TIAM1: variants seen among roughly 807,000 people sequenced by gnomAD.
The protein encoded by TIAM1 is TIAM Rac1 associated GEF 1.
In TIAM1, 65 loss-of-function variants were observed where a neutral mutation model predicts 163.5. The ratio of observed to expected loss-of-function variants is 0.40; its 90% CI spans 0.33 to 0.49. The LOEUF (loss-of-function observed/expected upper bound fraction) is 0.49, where lower values mean the gene tolerates loss of function less well. Among genes scored for constraint, TIAM1 ranks in the 20% least tolerant of loss-of-function variants. The pLI, the probability that TIAM1 is intolerant of heterozygous loss-of-function variation, is 0.77. For synonymous variants in TIAM1, 833 were observed against 810.1 expected (o/e 1.03, Z -0.48); for missense variants, 1,789 against 2,044.7 (o/e 0.87, Z 2.41).
intron 2 of TIAM1, among the ~76,000 whole-genome samples, chr21:31,412,186 G>C (rs972653048): frequency 6.6e-6 from 1 of 152,222 alleles, no homozygotes. Context: ...AGAAAGACAA[G>C]TATTGCAAGT....
chr21:31,499,550 A>T (rs1317192452), intron 1 of TIAM1, among the ~76,000 whole-genome samples: 1 of 146,460 alleles, frequency 6.8e-6, no homozygotes, highest in African/African-American at 2.6e-5. Context: ...CTGAAAAAAA[A>T]TTAAGACTAA....
rs1489832010 is a variant in TIAM1 at position 31,187,075 on chromosome 21, G to T, written c.2588C>A (p.Ser863Tyr). Residue 863 changes from serine (S) to tyrosine (Y), a missense_variant, in exon 14 of 28, where the codon TCT becomes TAT. Ser to Tyr is a moderately radical substitution (Grantham distance 144, BLOSUM62 -2). Around this residue, in one of 5 missense-constraint regions of TIAM1, gnomAD observed 456 missense variants for 586.6 expected, o/e 0.78. Coordinates refer to ENST00000541036, the MANE Select transcript of TIAM1 (RefSeq NM_001353694.2). ...TAADTYGFSLSSVEEDGIRRL... is the reference protein window; with the variant it reads ...TAADTYGFSLYSVEEDGIRRL... ...TCGAATACCATCTTCTTCCACAGAAGAAAGTGAAAACCCTGTGAAACACAA... is the reference window on the plus strand; with the variant it reads ...TCGAATACCATCTTCTTCCACAGAATAAAGTGAAAACCCTGTGAAACACAA... 6 of 1,613,964 alleles carry T rather than the reference G, an allele frequency of 3.7e-6. No homozygotes were observed. Among genetic ancestry groups the T allele is most frequent in the Non-Finnish European group, 4.2e-6 (5 of 1,179,988 alleles).
intron 1 of TIAM1, among the ~76,000 whole-genome samples, chr21:31,521,745 AAC>A (rs35006738): frequency 0.22 from 32,455 of 146,804 alleles, 4,261 homozygotes; most frequent in African/African-American, 0.38. Flanking sequence ...CTCACACACA[AAC>A]ACACACACAC....
chr21:31,493,940 AG>A (rs2046559041), intron 1 of TIAM1, among the ~76,000 whole-genome samples: 1 of 79,100 alleles, frequency 1.3e-5, no homozygotes, highest in Admixed American at 1.1e-4. Context: ...AAAAAGACAG[AG>A]TGTCACTCTG....
At chr21:31,219,126 C>T (rs2087402465) in intron 8 of TIAM1, among the ~76,000 whole-genome samples, 1 of 149,344 alleles carries the variant, frequency 6.7e-6, no homozygotes, top group Admixed American at 6.7e-5. Flanking sequence ...AAGGGAACAC[C>T]CTAAATGTAA....
intron 15 of TIAM1, among the ~76,000 whole-genome samples, chr21:31,173,368 C>CTTTAT: frequency 6.6e-6 from 1 of 152,122 alleles, no homozygotes; most frequent in Non-Finnish European, 1.5e-5. Context: ...AGATATTTAG[C>CTTTAT]TGGAACTCAA....
intron 2 of TIAM1, among the ~76,000 whole-genome samples, chr21:31,354,565 T>C (rs1358737894): frequency 6.6e-6 from 1 of 152,098 alleles, no homozygotes; most frequent in Admixed American, 6.5e-5. Flanking sequence ...AATACCTCCC[T>C]GAAGTACTAA....
At chr21:31,164,315 G>A (rs144080790) in intron 16 of TIAM1, among the ~76,000 whole-genome samples, 5,208 of 151,690 alleles carry the variant, frequency 0.034, 327 homozygotes, top group African/African-American at 0.12. Flanking sequence ...GCGTGAACCC[G>A]GGAGGCGGAG....
intron 15 of TIAM1, among the ~76,000 whole-genome samples, chr21:31,182,202 G>A (rs1282249547): frequency 1.3e-5 from 2 of 152,150 alleles, no homozygotes; most frequent in African/African-American, 4.8e-5. Flanking sequence ...GGTGACAGGT[G>A]GATCTGTAGC....
At chr21:31,242,112 A>G (rs774934145) in intron 6 of TIAM1, among the ~76,000 whole-genome samples, 6 of 152,258 alleles carry the variant, frequency 3.9e-5, no homozygotes, top group Non-Finnish European at 7.3e-5. Flanking sequence ...AAAGATTTCA[A>G]GCAACTATTT....
Position 31,154,394 on chromosome 21 carries a change from A to G in TIAM1, c.3024T>C (p.Ser1008=). Residue 1008 remains serine, a synonymous_variant, in exon 17 of 28, where the codon AGT becomes AGC. Coordinates refer to ENST00000541036, the MANE Select transcript of TIAM1 (RefSeq NM_001353694.2). The stretch of plus-strand genomic sequence containing the variant: ...GGTCAGAGGGGTTCATCTCATGCAA[A>G]CTGCGGCAAAATGCGGCCACCTGTT... The part of the protein sequence containing the change: ...STEQVAAFCR[S]LHEMNPSDQS... The G allele has an allele frequency of 1.2e-6, 2 of 1,614,044 alleles. No individual in the cohort carries two copies. The highest frequency in any genetic ancestry group is 1.7e-6 in the Non-Finnish European group (2 of 1,180,004).
intron 26 of TIAM1, among the ~76,000 whole-genome samples, chr21:31,126,691 A>T (rs1246066092): frequency 6.6e-6 from 1 of 152,198 alleles, no homozygotes; most frequent in Non-Finnish European, 1.5e-5. Context: ...AAAATAAAAG[A>T]ATAGGTTTCA....
At chr21:31,216,488 G>A (rs2087220579) in intron 9 of TIAM1, among the ~76,000 whole-genome samples, 4 of 152,098 alleles carry the variant, frequency 2.6e-5, no homozygotes, top group African/African-American at 7.2e-5. Flanking sequence ...AGATGCTCAC[G>A]TTCCTTTAGT....
At chr21:31,414,814 C>A (rs184773041) in intron 2 of TIAM1, among the ~76,000 whole-genome samples, 1 of 152,328 alleles carries the variant, frequency 6.6e-6, no homozygotes, top group East Asian at 1.9e-4. Flanking sequence ...AAAAAGGTCA[C>A]GTCCAAACAA....
intron 11 of TIAM1, 140 bp downstream of exon 11, chr21:31,209,905 A>T: frequency 1.2e-6 from 1 of 815,828 alleles, no homozygotes; most frequent in Non-Finnish European, 1.9e-6. Flanking sequence ...AAAGGAATGC[A>T]ATGCTGCTCC....
intron 6 of TIAM1, among the ~76,000 whole-genome samples, chr21:31,232,397 A>G (rs904035961): frequency 6.6e-6 from 1 of 152,194 alleles, no homozygotes; most frequent in African/African-American, 2.4e-5. Context: ...ATGAAGCCAA[A>G]TCAATTTCTC....
intron 12 of TIAM1, among the ~76,000 whole-genome samples, chr21:31,196,824 A>G (rs2085884032): frequency 6.6e-6 from 1 of 152,224 alleles, no homozygotes; most frequent in African/African-American, 2.4e-5. Context: ...CACAATAGCA[A>G]AGATGTGGAA....
At position 31,439,438 on chromosome 21, in the gene TIAM1, C is replaced by T. The variant is rs147764060; in HGVS notation, c.-369+24545G>A. On this transcript the variant is annotated intron_variant, in intron 2 of 28. Transcript: ENST00000286827. ...CCGGGTAGCTGGGATTACAGGCATGCACCACCATGTCCAGCTAATTTTTGT... is the reference window on the plus strand; with the variant it reads ...CCGGGTAGCTGGGATTACAGGCATGTACCACCATGTCCAGCTAATTTTTGT... Among the ~76,000 whole-genome samples the T allele has an allele frequency of 7.7e-3, 1,177 of 152,230 alleles. 14 individuals are homozygous for T. The highest frequency in any genetic ancestry group is 0.027 in the African/African-American group (1,102 of 41,542).
At chr21:31,159,328 GA>G (rs567904305) in intron 16 of TIAM1, among the ~76,000 whole-genome samples, 143 of 152,206 alleles carry the variant, frequency 9.4e-4, no homozygotes, top group African/African-American at 3.3e-3. Context: ...TGTGGAAGAT[GA>G]AAAGAAAGTA....
Sources: gnomAD v4.1 joint callset for allele counts (sites outside exome capture counted in the v4.1 genomes callset) on GRCh38, gnomAD v4.1.1 for gene constraint, gnomAD v4.1.1 regional missense constraint, MANE v1.5 for transcripts, NCBI Gene and HGNC (gene_info 2026-07-23, HGNC 2026-07-21) for gene names.